The following RHOA variants were observed in gnomAD, a reference collection of about 807,000 sequenced individuals.
RHOA encodes ras homolog family member A.
RHOA carries 3 observed loss-of-function variants against 17.5 expected under a neutral mutation model. The ratio of observed to expected loss-of-function variants is 0.17; its 90% CI spans 0.08 to 0.44. The LOEUF (loss-of-function observed/expected upper bound fraction) is 0.44. RHOA is among the 20% of genes least tolerant of loss of function. RHOA has a pLI of 0.99. For synonymous variants in RHOA, 98 were observed against 88.4 expected (o/e 1.11, Z -0.61); for missense variants, 56 against 242.3 (o/e 0.23, Z 5.10).
rs2107829972 is a variant in RHOA, at chr3:49,362,526, G to A, written c.378C>T (p.His126=). ...GNKKDLRNDE[H]TRRELAKMKQ... The stretch of plus-strand genomic sequence containing the variant: ...TCATCTTGGCTAGCTCCCGCCTTGT[G>A]TGCTCATCATTCCGAAGATCCTTCT... Residue 126 remains histidine, a synonymous_variant, in exon 4 of 5, where the codon CAC becomes CAT. Transcript: ENST00000418115. The A allele has an allele frequency of 1.2e-6, 2 of 1,613,432 alleles. No individual in the cohort carries two copies. The highest frequency in any genetic ancestry group is 2.2e-5 in the South Asian group (2 of 90,932).
chr3:49,404,940 CAAA>C (rs1234076692), intron 1 of RHOA, among the ~76,000 whole-genome samples: 1 of 92,114 alleles, frequency 1.1e-5, no homozygotes. Context: ...CTCTTGTCTC[CAAA>C]AAAAAAAATA....
intron 2 of RHOA, among the ~76,000 whole-genome samples, chr3:49,369,743 T>TAA (rs879683347): frequency 8.1e-6 from 1 of 122,996 alleles, no homozygotes; most frequent in South Asian, 2.5e-4. Context: ...CCTCCATCTC[T>TAA]AAAAAAAAAA....
At chr3:49,364,994 TAAAAC>T (rs950347692) in intron 3 of RHOA, among the ~76,000 whole-genome samples, 4 of 152,098 alleles carry the variant, frequency 2.6e-5, no homozygotes, top group East Asian at 1.9e-4. Context: ...TAAAAATAAA[TAAAAC>T]AAAACAGCAT....
At chr3:49,371,508 T>A (rs762457408) in intron 2 of RHOA, among the ~76,000 whole-genome samples, 20 of 152,114 alleles carry the variant, frequency 1.3e-4, no homozygotes, top group Non-Finnish European at 2.4e-4. Flanking sequence ...CTCAAACTCC[T>A]GACCTCTGGT....
chr3:49,364,626 C>T (rs1188470880), intron 3 of RHOA, among the ~76,000 whole-genome samples: 1 of 150,392 alleles, frequency 6.6e-6, no homozygotes, highest in African/African-American at 2.4e-5. Flanking sequence ...GTGCCACTGC[C>T]CTCCAGCCTG....
chr3:49,397,045 G>A (rs1366959137), intron 1 of RHOA, among the ~76,000 whole-genome samples: 2 of 150,398 alleles, frequency 1.3e-5, no homozygotes, highest in Non-Finnish European at 2.9e-5. Context: ...TGGCAGGATC[G>A]CTTGGGCCCA....
At chr3:49,409,602 A>T (rs551567212) in intron 1 of RHOA, among the ~76,000 whole-genome samples, 1 of 152,112 alleles carries the variant, frequency 6.6e-6, no homozygotes, top group South Asian at 2.1e-4. Flanking sequence ...TCTCTAAGAC[A>T]ATTAAAAAGA....
intron 1 of RHOA, among the ~76,000 whole-genome samples, chr3:49,407,286 T>C (rs1294473374): frequency 8.1e-6 from 1 of 123,108 alleles, no homozygotes; most frequent in Non-Finnish European, 1.6e-5. Context: ...CAGGCTGGAG[T>C]GCAATGGCTC....
At chr3:49,403,728 A>G (rs2048765417) in intron 1 of RHOA, among the ~76,000 whole-genome samples, 1 of 152,154 alleles carries the variant, frequency 6.6e-6, no homozygotes, top group Non-Finnish European at 1.5e-5. Context: ...TATGTCTAAA[A>G]AAAATAAGAA....
chr3:49,360,420 TG>T (rs1324098611), intron 4 of RHOA, 38 bp from the exon 5 acceptor site: 1 of 1,580,554 alleles, frequency 6.3e-7, no homozygotes, highest in African/African-American at 1.4e-5. Context: ...TAGCTAATAG[TG>T]TGGCATACAT....
chr3:49,385,254 T>C (rs62259942), intron 1 of RHOA, among the ~76,000 whole-genome samples: 2 of 143,710 alleles, frequency 1.4e-5, no homozygotes, highest in Non-Finnish European at 3.0e-5. Context: ...AGAGTCTTAC[T>C]CTGTCGCCCA....
intron 1 of RHOA, among the ~76,000 whole-genome samples, chr3:49,409,153 G>T (rs1463111119): frequency 6.6e-6 from 1 of 151,848 alleles, no homozygotes; most frequent in South Asian, 2.1e-4. Context: ...CCAGCACTTT[G>T]GGAGGCCAAG....
chr3:49,407,606 T>C (rs2048855908), intron 1 of RHOA, among the ~76,000 whole-genome samples: 1 of 152,080 alleles, frequency 6.6e-6, no homozygotes, highest in Non-Finnish European at 1.5e-5. Flanking sequence ...TTAGATCTAC[T>C]CCTACTCACA....
At chr3:49,408,984 C>T (rs950628502) in intron 1 of RHOA, among the ~76,000 whole-genome samples, 2 of 151,542 alleles carry the variant, frequency 1.3e-5, no homozygotes, top group African/African-American at 4.8e-5. Context: ...TTAGTAGAGA[C>T]GGGGTTTCAC....
At chr3:49,362,715 T>C (rs1469997964) in intron 3 of RHOA, 89 bp from the exon 4 acceptor site, 1 of 1,093,604 alleles carries the variant, frequency 9.1e-7, no homozygotes. Flanking sequence ...AGAGACACTT[T>C]CTTTGTGGCT....
At chr3:49,374,008 T>C (rs529172612) in intron 2 of RHOA, among the ~76,000 whole-genome samples, 18 of 152,178 alleles carry the variant, frequency 1.2e-4, no homozygotes, top group Non-Finnish European at 2.5e-4. Flanking sequence ...TCACCATCAA[T>C]GACAATAAAA....
At chr3:49,377,218 C>T (rs537258823) in intron 1 of RHOA, among the ~76,000 whole-genome samples, 1 of 152,082 alleles carries the variant, frequency 6.6e-6, no homozygotes, top group Non-Finnish European at 1.5e-5. Context: ...AATGCTCAGG[C>T]CCAGGAGTTA....
intron 1 of RHOA, among the ~76,000 whole-genome samples, chr3:49,397,410 C>G (rs746796540): frequency 6.6e-6 from 1 of 152,050 alleles, no homozygotes; most frequent in Non-Finnish European, 1.5e-5. Flanking sequence ...ACGTAAAACT[C>G]TGTGAATATA....
intron 1 of RHOA, among the ~76,000 whole-genome samples, chr3:49,388,807 T>A (rs2048445676): frequency 6.6e-6 from 1 of 152,182 alleles, no homozygotes; most frequent in South Asian, 2.1e-4. Context: ...AAATCTTTGT[T>A]CATTAGCTTT....
Sources: allele counts gnomAD v4.1 joint callset (sites outside exome capture counted in the v4.1 genomes callset), GRCh38; gene constraint gnomAD v4.1.1; transcripts MANE v1.5; gene names NCBI Gene and HGNC (gene_info 2026-07-23, HGNC 2026-07-21).